Variants in RPH3A observed in about 807,000 individuals in gnomAD.
RPH3A encodes the protein rabphilin 3A.
A neutral mutation model predicts 102.2 loss-of-function variants in RPH3A; 48 were observed. That is an observed-to-expected ratio of 0.47 (90% CI 0.37 to 0.60). The LOEUF is 0.60. Among genes scored for constraint, RPH3A ranks in the 20% least tolerant of loss-of-function variants. The probability of loss-of-function intolerance (pLI) is 0.00; values close to 1 mark genes in which losing one functional copy is unlikely to be tolerated. For synonymous variants in RPH3A, 310 were observed against 324.3 expected (o/e 0.96, Z 0.47); for missense variants, 781 against 910.1 (o/e 0.86, Z 1.83).
chr12:112,684,455 A>G (rs915355332), intron 1 of RPH3A, among the ~76,000 whole-genome samples: 9 of 151,532 alleles, frequency 5.9e-5, no homozygotes, highest in African/African-American at 2.2e-4. Flanking sequence ...TTTAGTAGAG[A>G]CAGGGTTATG....
At chr12:112,585,008 C>G (rs867391176) in intron 1 of RPH3A, among the ~76,000 whole-genome samples, 1 of 152,206 alleles carries the variant, frequency 6.6e-6, no homozygotes, top group South Asian at 2.1e-4. Flanking sequence ...AGCCTTCAGT[C>G]AGCGGTCAAA....
intron 2 of RPH3A, among the ~76,000 whole-genome samples, chr12:112,827,910 A>G (rs9706344): frequency 4.9e-3 from 61 of 12,442 alleles, no homozygotes; most frequent in African/African-American, 7.0e-3. Context: ...AAAAAAAGGG[A>G]AAAAAAAAAG....
chr12:112,615,727 T>C (rs2039674209), intron 1 of RPH3A, among the ~76,000 whole-genome samples: 1 of 152,166 alleles, frequency 6.6e-6, no homozygotes, highest in Non-Finnish European at 1.5e-5. Flanking sequence ...ACCATAGTTA[T>C]CCACTGCTGC....
intron 1 of RPH3A, among the ~76,000 whole-genome samples, chr12:112,681,409 C>G (rs1309292941): frequency 1.3e-5 from 2 of 152,208 alleles, no homozygotes; most frequent in Non-Finnish European, 2.9e-5. Flanking sequence ...CCTGCCTAAA[C>G]CTCTTAGTGG....
chr12:112,710,289 T>C (rs1429272900), intron 1 of RPH3A, among the ~76,000 whole-genome samples: 1 of 152,192 alleles, frequency 6.6e-6, no homozygotes, highest in Non-Finnish European at 1.5e-5. Context: ...TTGCCTTTCT[T>C]GACCGTAGTT....
At chr12:112,597,197 A>G (rs1007327129) in intron 1 of RPH3A, among the ~76,000 whole-genome samples, 2 of 152,212 alleles carry the variant, frequency 1.3e-5, no homozygotes, top group East Asian at 1.9e-4. Context: ...TTGAGAAAAG[A>G]CGGTGTTCAA....
chr12:112,725,859 G>A (rs1365601130), intron 1 of RPH3A, among the ~76,000 whole-genome samples: 1 of 151,282 alleles, frequency 6.6e-6, no homozygotes, highest in East Asian at 1.9e-4. Context: ...GCGGTGATGC[G>A]ATCTCGGCTC....
At chr12:112,647,605 A>G (rs377705512) in intron 1 of RPH3A, among the ~76,000 whole-genome samples, 4 of 149,690 alleles carry the variant, frequency 2.7e-5, no homozygotes, top group East Asian at 3.9e-4. Flanking sequence ...GTGTGTGTGT[A>G]TGTGTGTGTG....
intron 1 of RPH3A, among the ~76,000 whole-genome samples, chr12:112,713,804 G>C (rs2040496751): frequency 6.6e-6 from 1 of 152,198 alleles, no homozygotes; most frequent in Admixed American, 6.5e-5. Flanking sequence ...GCTAAAATCA[G>C]TTTTGTTCTT....
chr12:112,800,360 G>A (rs748679703), intron 2 of RPH3A, among the ~76,000 whole-genome samples: 15 of 152,272 alleles, frequency 9.9e-5, no homozygotes, highest in Non-Finnish European at 1.6e-4. Context: ...ACAGACAGTC[G>A]GCTGGTGTGA....
chr12:112,704,095 T>TTC (rs2040412826), intron 1 of RPH3A, among the ~76,000 whole-genome samples: 2 of 149,700 alleles, frequency 1.3e-5, no homozygotes, highest in Non-Finnish European at 3.0e-5. Flanking sequence ...TCTTCTTCTT[T>TTC]TTTTTTTTTT....
chr12:112,586,234 C>T (rs1171444771), intron 1 of RPH3A, among the ~76,000 whole-genome samples: 2 of 152,064 alleles, frequency 1.3e-5, no homozygotes, highest in Admixed American at 6.6e-5. Context: ...GGAGGTATTG[C>T]GGACAAAGTA....
chr12:112,826,428 T>C (rs1310988254), intron 2 of RPH3A, among the ~76,000 whole-genome samples: 1 of 152,158 alleles, frequency 6.6e-6, no homozygotes, highest in Non-Finnish European at 1.5e-5. Flanking sequence ...GTGACATAAC[T>C]GACTTGCTTT....
rs2041639490 is a variant in RPH3A at position 112,814,673 on chromosome 12, T to C, written c.-18-13628T>C. On this transcript the variant is annotated intron_variant, in intron 2 of 21. Coordinates refer to ENST00000389385, the MANE Select transcript of RPH3A (RefSeq NM_001143854.2). ...TATAACTCACTGACTCCACCATTCCTTCCTGGTGATCTTGGGCAAGTTAAT... is the reference window on the plus strand; with the variant it reads ...TATAACTCACTGACTCCACCATTCCCTCCTGGTGATCTTGGGCAAGTTAAT... Among the ~76,000 whole-genome samples, 3 of 152,186 alleles carry C rather than the reference T, an allele frequency of 2.0e-5. 1 individual carries two copies. The highest frequency in any genetic ancestry group is 4.1e-4 in the South Asian group (2 of 4,830).
At chr12:112,825,443 A>G (rs2041850505) in intron 2 of RPH3A, among the ~76,000 whole-genome samples, 1 of 152,046 alleles carries the variant, frequency 6.6e-6, no homozygotes, top group Non-Finnish European at 1.5e-5. Flanking sequence ...AGGAAACAAG[A>G]CCTACAGGGA....
chr12:112,799,435 C>A (rs531429327), intron 2 of RPH3A, among the ~76,000 whole-genome samples: 2 of 152,240 alleles, frequency 1.3e-5, no homozygotes, highest in Admixed American at 6.5e-5. Flanking sequence ...GAGTACTGGG[C>A]AAACTGTGAT....
intron 4 of RPH3A, among the ~76,000 whole-genome samples, chr12:112,841,706 GGTTTTT>G (rs1056334908): frequency 9.0e-5 from 13 of 145,120 alleles, no homozygotes; most frequent in African/African-American, 3.4e-4. Flanking sequence ...TTGTTTTTTT[GGTTTTT>G]TTTTTTTTTC....
rs142788762 is a variant in RPH3A, at chr12:112,847,715, G to A, written c.103G>A (p.Val35Ile). 80 of 1,614,002 alleles carry A rather than the reference G, an allele frequency of 5.0e-5. No individual in the cohort carries two copies. Among genetic ancestry groups the A allele is most frequent in the Middle Eastern group, 1.7e-4 (1 of 5,996 alleles). ...TTTCAGGCTCCAGGCAGGCTGGTCCGTCCACCCCGGTGGTCAGCCTGACAG... is the reference window on the plus strand; with the variant it reads ...TTTCAGGCTCCAGGCAGGCTGGTCCATCCACCCCGGTGGTCAGCCTGACAG... ...DKEQLQAGWS[V>I]HPGGQPDRQR... is the part of the protein sequence containing the mutation. Residue 35 changes from valine (V) to isoleucine (I), a missense_variant, in exon 5 of 22, where the codon GTC becomes ATC. This residue lies in a region of RPH3A where 730 missense variants were observed against 810.0 expected (regional missense o/e 0.90). Transcript: ENST00000389385.
chr12:112,605,461 A>G (rs1297268011), intron 1 of RPH3A, among the ~76,000 whole-genome samples: 1 of 152,098 alleles, frequency 6.6e-6, no homozygotes, highest in East Asian at 1.9e-4. Context: ...ACAACAACAA[A>G]CCACTAGACT....
Sources: gnomAD v4.1 joint callset for allele counts (sites outside exome capture counted in the v4.1 genomes callset) on GRCh38, gnomAD v4.1.1 for gene constraint, gnomAD v4.1.1 regional missense constraint, MANE v1.5 for transcripts, NCBI Gene and HGNC (gene_info 2026-07-23, HGNC 2026-07-21) for gene names.